The following RAG1 variants were observed in gnomAD, a reference collection of about 807,000 sequenced individuals.
RAG1 encodes the protein recombination activating 1.
Under a neutral mutation model 62.7 loss-of-function variants are expected in RAG1, and 35 were observed. That is an observed-to-expected ratio of 0.56 (90% CI 0.43 to 0.74). The LOEUF (loss-of-function observed/expected upper bound fraction) is 0.74. Ranked by LOEUF, RAG1 falls within the 30% of genes least tolerant of loss-of-function variation. The pLI, the probability that RAG1 is intolerant of heterozygous loss-of-function variation, is 0.00. For missense variants in RAG1, 1,169 were observed against 1,278.6 expected, an observed-to-expected ratio of 0.91 and a Z score of 1.31; for synonymous variants, 461 against 470.3, an observed-to-expected ratio of 0.98 and a Z score of 0.26.
chr11:36,564,340 C>T (rs1850631641), upstream of RAG1, among the ~76,000 whole-genome samples: 1 of 151,840 alleles, frequency 6.6e-6, no homozygotes. Flanking sequence ...GGCTCTGTTT[C>T]CTAGTCTATA....
At chr11:36,547,823 A>C (rs1443102952) in intron 3 of RAG1, among the ~76,000 whole-genome samples, 1 of 152,208 alleles carries the variant, frequency 6.6e-6, no homozygotes, top group Admixed American at 6.5e-5. Flanking sequence ...ACTCAACAAA[A>C]AAAGAAAATT....
At chr11:36,531,227 T>C (rs1860249376) in intron 2 of RAG1, among the ~76,000 whole-genome samples, 1 of 152,006 alleles carries the variant, frequency 6.6e-6, no homozygotes. Context: ...TATTATTATA[T>C]TTGAAATGGG....
At position 36,575,831 on chromosome 11, in the gene RAG1, A is replaced by G. The variant is rs186717025; in HGVS notation, c.2527A>G (p.Lys843Glu). 2.9e-5 allele frequency: 47 copies of G among 1,614,224 alleles called. No homozygotes were observed. In the African/African-American group the frequency reaches 5.5e-4, roughly 19 times the overall value. ...CACACTGGACAAGCATCTCCGGAAG[A>G]AGATGAACCTCAAACCAATCATGAG... Reference protein sequence around the residue: ...QATLDKHLRKKMNLKPIMRMN... With the variant: ...QATLDKHLRKEMNLKPIMRMN... The change falls in exon 2 of 2, where the codon AAG becomes GAG. Residue 843 changes from lysine (K) to glutamate (E), a missense_variant. By Grantham distance (56) the Lys-to-Glu change is moderately conservative. Coordinates refer to ENST00000299440, the MANE Select transcript of RAG1 (RefSeq NM_000448.3). The surrounding 1 kb of genome is among the most constrained non-coding windows in gnomAD (Gnocchi z 4.1).
At position 36,542,262 on chromosome 11, in the gene RAG1, G is replaced by C. The variant is rs1433040291; in HGVS notation, c.-412+6228G>C. Among the ~76,000 whole-genome samples the C allele has an allele frequency of 2.0e-5, 3 of 152,182 alleles. No individual in the cohort carries two copies. The South Asian group carries it at 6.2e-4, about 31-fold the overall frequency. On this transcript the variant is annotated intron_variant and NMD_transcript_variant, in intron 3 of 9. Transcript: ENST00000534663. Reference sequence around the variant, plus strand: ...ATATGAATTAATTTAGCTGAACAAAGTGAGTCTCTTTAAAGACAAATATTA... The same window carrying C: ...ATATGAATTAATTTAGCTGAACAAACTGAGTCTCTTTAAAGACAAATATTA...
At position 36,574,675 on chromosome 11, in the gene RAG1, C is replaced by G. The variant is rs138387845; in HGVS notation, c.1371C>G (p.Ile457Met). ...GGCAAGCTGATGAGCTGGAGGCCATCATGCAGGGAAAGGGCTCTGGCCTGC... is the reference window on the plus strand; with the variant it reads ...GGCAAGCTGATGAGCTGGAGGCCATGATGCAGGGAAAGGGCTCTGGCCTGC... Reference protein sequence around the residue: ...EHRQADELEAIMQGKGSGLQP... With the variant: ...EHRQADELEAMMQGKGSGLQP... The change falls in exon 2 of 2, where the codon ATC becomes ATG. Residue 457 changes from isoleucine (I) to methionine (M), a missense_variant. This residue lies in a region of RAG1 where 800 missense variants were observed against 943.3 expected (regional missense o/e 0.85). Transcript: ENST00000299440. The G allele has an allele frequency of 4.3e-6, 7 of 1,614,230 alleles. No individual in the cohort carries two copies. The highest frequency in any genetic ancestry group is 2.2e-5 in the South Asian group (2 of 91,086).
chr11:36,569,295 C>T (rs765844911), intron 1 of RAG1, among the ~76,000 whole-genome samples: 21 of 152,190 alleles, frequency 1.4e-4, no homozygotes, highest in Non-Finnish European at 2.4e-4. Context: ...ATGGCAATGT[C>T]GAGATGGCAG....
chr11:36,541,093 A>T (rs1329608696), intron 3 of RAG1, among the ~76,000 whole-genome samples: 1 of 152,218 alleles, frequency 6.6e-6, no homozygotes, highest in African/African-American at 2.4e-5. Flanking sequence ...CTAGAGGCAG[A>T]TGTAGACAAA....
rs919533587 is a variant in RAG1, at chr11:36,535,642, G to T, written n.429-317G>T. ...GCCTGTAATCCCAGCTACTCAGGAGGCTGAGGCAGAAGAATTCACTTGAAC... is the reference window on the plus strand; with the variant it reads ...GCCTGTAATCCCAGCTACTCAGGAGTCTGAGGCAGAAGAATTCACTTGAAC... On this transcript the variant is annotated intron_variant and non_coding_transcript_variant, in intron 2 of 2. Coordinates refer to the RAG1 transcript ENST00000529126. Among the ~76,000 whole-genome samples the T allele has an allele frequency of 5.9e-5, 9 of 152,048 alleles. No individual in the cohort carries two copies. In the South Asian group the frequency reaches 1.5e-3, roughly 25 times the overall value.
At chr11:36,540,599 G>A (rs1410785421), downstream of RAG1, among the ~76,000 whole-genome samples, 2 of 152,004 alleles carry the variant, frequency 1.3e-5, no homozygotes, top group African/African-American at 4.8e-5. Context: ...GTAGAGACGG[G>A]GTTTCACCGT....
chr11:36,562,629 A>G (rs1200667537), intron 3 of RAG1, among the ~76,000 whole-genome samples: 3 of 152,142 alleles, frequency 2.0e-5, no homozygotes. Flanking sequence ...GTATCTTCCA[A>G]TTTGACCTCT....
intron 3 of RAG1, among the ~76,000 whole-genome samples, chr11:36,546,925 G>A (rs948125048): frequency 1.1e-4 from 17 of 152,012 alleles, no homozygotes; most frequent in South Asian, 4.2e-4. Context: ...GGAGACATCC[G>A]CTCTTAGTCT....
At chr11:36,533,128 G>T (rs1860279618) in intron 2 of RAG1, among the ~76,000 whole-genome samples, 1 of 152,102 alleles carries the variant, frequency 6.6e-6, no homozygotes, top group Non-Finnish European at 1.5e-5. Flanking sequence ...AACAACCTCG[G>T]TTCTGTTCTG....
chr11:36,536,603 G>A (rs959833115), downstream of RAG1, among the ~76,000 whole-genome samples: 4 of 141,224 alleles, frequency 2.8e-5, no homozygotes, highest in Non-Finnish European at 6.1e-5. Context: ...TTTTGTATGT[G>A]TAATATACTT....
At chr11:36,540,241 C>T (rs1182274795), downstream of RAG1, among the ~76,000 whole-genome samples, 1 of 152,154 alleles carries the variant, frequency 6.6e-6, no homozygotes, top group Non-Finnish European at 1.5e-5. Flanking sequence ...CTGTAATCTT[C>T]AACCAGTTTT....
intron 2 of RAG1, among the ~76,000 whole-genome samples, chr11:36,524,577 T>G (rs911028266): frequency 6.6e-6 from 1 of 151,666 alleles, no homozygotes; most frequent in Non-Finnish European, 1.5e-5. Flanking sequence ...AGGCTCCACC[T>G]TCCCTCGCTC....
intron 3 of RAG1, among the ~76,000 whole-genome samples, chr11:36,559,514 T>C (rs890470444): frequency 2.0e-5 from 3 of 152,296 alleles, no homozygotes; most frequent in African/African-American, 7.2e-5. Flanking sequence ...GTTCACATAA[T>C]GGTATTTTAT....
At chr11:36,558,664 T>G (rs963391007) in intron 3 of RAG1, among the ~76,000 whole-genome samples, 30 of 152,228 alleles carry the variant, frequency 2.0e-4, no homozygotes, top group Non-Finnish European at 4.1e-4. Flanking sequence ...GTCTTTGTAG[T>G]TGAAGTGAGT....
Position 36,569,572 on chromosome 11 carries a change from TAA to T in RAG1, c.-15+1451_-15+1452del, listed in dbSNP as rs200979608. ...GTCATATTTGAAATTAGCCAGATCT[TAA>T]GTTTTTCTGGGGGAAATTTAGAAGA... On this transcript the variant is annotated intron_variant, in intron 1 of 1. Coordinates refer to ENST00000299440, the MANE Select transcript of RAG1 (RefSeq NM_000448.3). Among the ~76,000 whole-genome samples, 46 of 152,334 alleles carry T rather than the reference TAA, an allele frequency of 3.0e-4. No homozygotes were observed. In the East Asian group the frequency reaches 5.6e-3, roughly 19 times the overall value.
chr11:36,573,168 T>C lies in RAG1; in HGVS notation c.-14-123T>C, dbSNP rs1006241693. ...TAACATGATATATTAAGGTAGAAGA[T>C]TTAATACATATCTTTTGGAATACAT... On this transcript the variant is annotated intron_variant, in intron 1 of 1. Coordinates refer to ENST00000299440, the MANE Select transcript of RAG1 (RefSeq NM_000448.3). The C allele has an allele frequency of 1.7e-5, 17 of 1,003,232 alleles. No homozygotes were observed. In the South Asian group the frequency reaches 2.1e-4, roughly 13 times the overall value. 62.1% of individuals were successfully genotyped at this position (1,003,232 alleles called of 1,614,324 possible).
Sources: gnomAD v4.1 joint callset for allele counts (sites outside exome capture counted in the v4.1 genomes callset) on GRCh38, gnomAD v4.1.1 for gene constraint, gnomAD v4.1.1 regional missense constraint, Gnocchi (gnomAD v3.1) non-coding constraint, MANE v1.5 for transcripts, NCBI Gene and HGNC (gene_info 2026-07-23, HGNC 2026-07-21) for gene names.